The following TMEM182 variants were observed in gnomAD, a reference collection of about 807,000 sequenced individuals.
TMEM182 encodes the protein transmembrane protein 182.
A neutral mutation model predicts 26.8 loss-of-function variants in TMEM182; 20 were observed. The ratio of observed to expected loss-of-function variants is 0.75; its 90% confidence interval spans 0.53 to 1.09. The LOEUF (loss-of-function observed/expected upper bound fraction) is 1.09. TMEM182 is among the 50% of genes least tolerant of loss of function. The probability of loss-of-function intolerance (pLI) is 0.00; values close to 1 mark genes in which losing one functional copy is unlikely to be tolerated. For missense variants in TMEM182, 277 were observed against 275.5 expected (o/e 1.01, Z -0.04); for synonymous variants, 109 against 102.2 (o/e 1.07, Z -0.40).
intron 3 of TMEM182, among the ~76,000 whole-genome samples, chr2:102,775,997 G>A (rs1021371369): frequency 3.3e-5 from 5 of 152,028 alleles, no homozygotes; most frequent in Admixed American, 6.5e-5. Context: ...TTTATTGCTA[G>A]TATATAGAAA....
At chr2:102,777,576 C>T (rs193131666) in intron 3 of TMEM182, among the ~76,000 whole-genome samples, 14 of 152,078 alleles carry the variant, frequency 9.2e-5, no homozygotes, top group African/African-American at 2.4e-4. Context: ...TGTCAGTCTT[C>T]GTTTTTCTAC....
chr2:102,796,842 T>C (rs1239409008), intron 3 of TMEM182, among the ~76,000 whole-genome samples: 3 of 152,204 alleles, frequency 2.0e-5, no homozygotes, highest in Admixed American at 6.5e-5. Flanking sequence ...CTCCAGTTGA[T>C]TGATAGATTT....
Position 102,815,272 on chromosome 2 carries a change from A to G in TMEM182, c.*304A>G. 9.5e-7 allele frequency: 1 copy of G among 1,053,916 alleles called. No individual in the cohort carries two copies. The highest frequency in any genetic ancestry group is 1.1e-6 in the Non-Finnish European group (1 of 875,088). 65.3% of individuals were successfully genotyped at this position (1,053,916 alleles called of 1,614,324 possible). ...GTCGCAAAGGCCTGATAATAGCTTA[A>G]TACCATGACATGGGGAAAATCTCGA... is the stretch of plus-strand genomic sequence containing the variant. On this transcript the variant is annotated 3_prime_UTR_variant, in exon 5 of 5. Coordinates refer to ENST00000412401, the MANE Select transcript of TMEM182 (RefSeq NM_144632.5).
intron 3 of TMEM182, among the ~76,000 whole-genome samples, chr2:102,780,795 G>C (rs1442737551): frequency 6.6e-6 from 1 of 152,166 alleles, no homozygotes; most frequent in Admixed American, 6.5e-5. Flanking sequence ...GCTTGTAGCG[G>C]TGGGACTGCA....
intron 4 of TMEM182, among the ~76,000 whole-genome samples, chr2:102,800,839 G>C (rs1274106315): frequency 1.4e-5 from 2 of 139,310 alleles, no homozygotes; most frequent in Non-Finnish European, 3.1e-5. Flanking sequence ...GTGTGTGTGT[G>C]TGTTTAGTAG....
intron 4 of TMEM182, among the ~76,000 whole-genome samples, chr2:102,802,452 G>A (rs1682184020): frequency 6.6e-6 from 1 of 152,224 alleles, no homozygotes; most frequent in South Asian, 2.1e-4. Flanking sequence ...TGGGCAAAGT[G>A]TAGTCATTGT....
chr2:102,830,705 C>T (rs1683133216), intron 3 of TMEM182, among the ~76,000 whole-genome samples: 1 of 152,150 alleles, frequency 6.6e-6, no homozygotes, highest in African/African-American at 2.4e-5. Context: ...AATCCAGTTA[C>T]ACTGTTTAAG....
chr2:102,840,160 G>C (rs1182737028), intron 3 of TMEM182, among the ~76,000 whole-genome samples: 1 of 152,150 alleles, frequency 6.6e-6, no homozygotes, highest in African/African-American at 2.4e-5. Context: ...GAAAACCCAG[G>C]AACTTTCCAA....
downstream of TMEM182, among the ~76,000 whole-genome samples, chr2:102,818,425 A>G (rs1682821352): frequency 6.6e-6 from 1 of 152,220 alleles, no homozygotes; most frequent in African/African-American, 2.4e-5. Flanking sequence ...AAGATAGGAA[A>G]GAAAGAAAGG....
rs181439696 is a variant in TMEM182, at chr2:102,841,666, A to T, written c.326-1746A>T. Among the ~76,000 whole-genome samples the T allele has an allele frequency of 3.9e-4, 59 of 152,368 alleles. 1 individual carries two copies. In the East Asian group the frequency reaches 0.011, roughly 29 times the overall value. ...CAAGTTTTAAAATGGGAGCTAAAGC[A>T]GAACAATTATCCATATGGACGTTAA... On this transcript the variant is annotated intron_variant, in intron 3 of 3. Transcript: ENST00000486293.
chr2:102,738,079 G>A (rs1344717305), intron 1 of TMEM182, among the ~76,000 whole-genome samples: 3 of 152,154 alleles, frequency 2.0e-5, no homozygotes, highest in Admixed American at 2.0e-4. Flanking sequence ...TCCTTTGCAG[G>A]AGAACTAGTT....
chr2:102,793,994 C>T (rs369673999), intron 3 of TMEM182, among the ~76,000 whole-genome samples: 1 of 152,110 alleles, frequency 6.6e-6, no homozygotes, highest in Non-Finnish European at 1.5e-5. Flanking sequence ...TGTTTGAACC[C>T]AGGAGCTTGA....
At chr2:102,781,240 G>T (rs1558768264) in intron 3 of TMEM182, among the ~76,000 whole-genome samples, 1 of 152,200 alleles carries the variant, frequency 6.6e-6, no homozygotes, top group Non-Finnish European at 1.5e-5. Flanking sequence ...TGGGTATGGG[G>T]TGTAAGGGAA....
Position 102,788,004 on chromosome 2 carries a change from G to C in TMEM182, c.332-9859G>C, listed in dbSNP as rs1335012857. On this transcript the variant is annotated intron_variant, in intron 3 of 4. Coordinates refer to ENST00000412401, the MANE Select transcript of TMEM182 (RefSeq NM_144632.5). ...CCAGGAGTCTTACCTTTCTTAATCTGGCTGCATATCACAGTGTCCCAGTGG... is the reference window on the plus strand; with the variant it reads ...CCAGGAGTCTTACCTTTCTTAATCTCGCTGCATATCACAGTGTCCCAGTGG... 3.9e-5 allele frequency among the ~76,000 whole-genome samples: 6 copies of C among 152,062 alleles called. No individual in the cohort carries two copies. In the East Asian group the frequency reaches 1.2e-3, roughly 29 times the overall value.
chr2:102,759,033 A>G (rs1465618826), upstream of TMEM182, among the ~76,000 whole-genome samples: 1 of 152,216 alleles, frequency 6.6e-6, no homozygotes, highest in Non-Finnish European at 1.5e-5. Context: ...AATGGTGAGA[A>G]AATGTTATTC....
Position 102,762,132 on chromosome 2 carries a change from T to G in TMEM182, c.-86T>G. ...CTCAAAAATATTATTCTTTTTTTTT[T>G]TTTTTTGCTGTTGTTTCTGAGAAAC... On this transcript the variant is annotated 5_prime_UTR_variant, in exon 1 of 5. Coordinates refer to ENST00000412401, the MANE Select transcript of TMEM182 (RefSeq NM_144632.5). 1 of 1,076,072 alleles carries G rather than the reference T, an allele frequency of 9.3e-7. No homozygotes were observed. The allele number at this position is 1,076,072 out of a possible 1,614,324, so 66.7% of individuals were successfully genotyped here.
chr2:102,766,171 A>T (rs560439058), intron 3 of TMEM182, among the ~76,000 whole-genome samples: 15 of 152,342 alleles, frequency 9.8e-5, no homozygotes, highest in African/African-American at 3.4e-4. Context: ...TTTAAAAATG[A>T]TCCCATATTT....
intron 3 of TMEM182, among the ~76,000 whole-genome samples, chr2:102,836,391 G>T (rs1338489816): frequency 6.6e-6 from 1 of 152,104 alleles, no homozygotes; most frequent in African/African-American, 2.4e-5. Context: ...ATCCTCACTG[G>T]CATTTAATGC....
downstream of TMEM182, among the ~76,000 whole-genome samples, chr2:102,818,347 G>A (rs895525958): frequency 2.0e-5 from 3 of 152,138 alleles, no homozygotes; most frequent in East Asian, 3.9e-4. Context: ...GGAGGATGGG[G>A]ATATAGTATC....
Sources: gnomAD v4.1 joint callset for allele counts (sites outside exome capture counted in the v4.1 genomes callset) on GRCh38, gnomAD v4.1.1 for gene constraint, MANE v1.5 for transcripts, NCBI Gene and HGNC (gene_info 2026-07-23, HGNC 2026-07-21) for gene names.